DNAH14: variants seen among roughly 807,000 people sequenced by gnomAD.
DNAH14 encodes axonemal beta dynein heavy chain 14.
DNAH14 carries 478 observed loss-of-function variants against 520.9 expected under a neutral mutation model. That is an observed-to-expected ratio of 0.92 (90% CI 0.85 to 0.99). The LOEUF (loss-of-function observed/expected upper bound fraction) is 0.99. Among genes scored for constraint, DNAH14 ranks in the 50% least tolerant of loss-of-function variants. The pLI is 0.00. For missense variants in DNAH14, 4,831 were observed against 5,234.5 expected (o/e 0.92, Z 2.38); for synonymous variants, 1,581 against 1,757.2 (o/e 0.90, Z 2.51).
At chr1:225,107,497 C>G (rs960096435) in intron 23 of DNAH14, among the ~76,000 whole-genome samples, 1 of 152,140 alleles carries the variant, frequency 6.6e-6, no homozygotes, top group African/African-American at 2.4e-5. Flanking sequence ...TGTCCTCATG[C>G]CGGCTTAGAC....
Position 225,082,619 on chromosome 1 carries a change from CATT to C in DNAH14, c.3210_3212del (p.Ile1071del). Reference sequence around the variant, plus strand: ...CAGAGTTTAAACAAGAGCTGCCTATCATTATAGCTCTGGGAAATCCCTGTCTCA... The same window carrying C: ...CAGAGTTTAAACAAGAGCTGCCTATCATAGCTCTGGGAAATCCCTGTCTCA... On this transcript the variant is annotated inframe_deletion, in exon 20 of 86. Coordinates refer to ENST00000682510, the MANE Select transcript of DNAH14 (RefSeq NM_001367479.1). 3 of 1,551,592 alleles carry C rather than the reference CATT, an allele frequency of 1.9e-6. No homozygotes were observed. Among genetic ancestry groups the C allele is most frequent in the Non-Finnish European group, 2.6e-6 (3 of 1,146,934 alleles).
At chr1:225,100,663 ATC>A in intron 22 of DNAH14, 48 bp from the exon 23 acceptor site, 2 of 1,371,782 alleles carry the variant, frequency 1.5e-6, no homozygotes, top group Non-Finnish European at 1.9e-6. Flanking sequence ...ATAGATTTTA[ATC>A]ATAGTGCCTT....
intron 75 of DNAH14, 119 bp downstream of exon 75, chr1:225,361,010 C>T: frequency 1.1e-6 from 1 of 908,978 alleles, no homozygotes; most frequent in East Asian, 2.6e-5. Context: ...CTGAGCCACT[C>T]AGATGAAACT....
At chr1:225,310,270 C>G (rs1396647549) in intron 60 of DNAH14, among the ~76,000 whole-genome samples, 1 of 151,692 alleles carries the variant, frequency 6.6e-6, no homozygotes, top group African/African-American at 2.4e-5. Flanking sequence ...ACATTAGGGC[C>G]TGGGGCCATA....
intron 73 of DNAH14, among the ~76,000 whole-genome samples, chr1:225,358,207 A>G (rs566263349): frequency 2.0e-5 from 3 of 152,296 alleles, no homozygotes; most frequent in Admixed American, 2.0e-4. Flanking sequence ...TTGCAGAATT[A>G]GGGAGTATAA....
At chr1:225,099,141 A>T (rs1254095622) in intron 22 of DNAH14, among the ~76,000 whole-genome samples, 25 of 152,210 alleles carry the variant, frequency 1.6e-4, no homozygotes, top group Admixed American at 1.6e-3. Flanking sequence ...GCTTAAGAGA[A>T]GGTGAGACTG....
rs1558581824 is a variant in DNAH14 at position 225,380,302 on chromosome 1, CTCTT to C, written c.12864_12867del (p.Ser4289LysfsTer15). On this transcript the variant is annotated frameshift_variant, in exon 80 of 86. Transcript: ENST00000682510. LOFTEE classifies it high-confidence loss of function. ...ATGATGTCAAGCTCCATTTGGGAGT[CTCTT>C]TCTAAAAATCTCAAAGGTGAGCATG... The C allele has an allele frequency of 1.9e-6, 3 of 1,551,368 alleles. No individual in the cohort carries two copies. The highest frequency in any genetic ancestry group is 2.0e-5 in the Admixed American group (1 of 50,942).
chr1:225,136,650 G>A (rs1490079812), intron 27 of DNAH14, among the ~76,000 whole-genome samples: 28 of 152,124 alleles, frequency 1.8e-4, no homozygotes, highest in Non-Finnish European at 3.8e-4. Context: ...TTCTCATGGA[G>A]TATCTTACTG....
chr1:225,087,438 G>A (rs1312379664), intron 21 of DNAH14, among the ~76,000 whole-genome samples: 1 of 152,158 alleles, frequency 6.6e-6, no homozygotes, highest in Non-Finnish European at 1.5e-5. Context: ...GGTTTTGGAG[G>A]GGACATTCAA....
At chr1:225,104,161 C>T (rs895244777) in intron 23 of DNAH14, among the ~76,000 whole-genome samples, 1 of 150,280 alleles carries the variant, frequency 6.7e-6, no homozygotes, top group South Asian at 2.1e-4. Flanking sequence ...TGGTTTTTGT[C>T]GTTCTGTTTA....
chr1:225,388,617 G>T, intron 82 of DNAH14, 126 bp downstream of exon 82: 1 of 540,066 alleles, frequency 1.9e-6, no homozygotes, highest in Non-Finnish European at 3.3e-6. Context: ...GCAAGGGAGG[G>T]ATTCTTATCT....
intron 22 of DNAH14, among the ~76,000 whole-genome samples, chr1:225,100,444 T>C (rs1051287428): frequency 1.3e-5 from 2 of 152,188 alleles, no homozygotes; most frequent in Non-Finnish European, 2.9e-5. Flanking sequence ...CTACTTACCT[T>C]ATGCAGAATT....
chr1:225,010,721 G>A lies in DNAH14; in HGVS notation c.1107+3177G>A, dbSNP rs150951219. Among the ~76,000 whole-genome samples, 19 of 152,088 alleles carry A rather than the reference G, an allele frequency of 1.2e-4. No individual in the cohort carries two copies. In the East Asian group the frequency reaches 3.7e-3, roughly 29 times the overall value. On this transcript the variant is annotated intron_variant, in intron 10 of 85. Coordinates refer to ENST00000682510, the MANE Select transcript of DNAH14 (RefSeq NM_001367479.1). Reference sequence around the variant, plus strand: ...TAGAATTCAGCTGTGATTCCATCTGGTCCTGGACTTTTTTTGGTTGGTAGG... The same window carrying A: ...TAGAATTCAGCTGTGATTCCATCTGATCCTGGACTTTTTTTGGTTGGTAGG...
At chr1:225,179,256 G>A (rs2149279399) in intron 36 of DNAH14, among the ~76,000 whole-genome samples, 1 of 152,164 alleles carries the variant, frequency 6.6e-6, no homozygotes, top group African/African-American at 2.4e-5. Flanking sequence ...CTGCCATTTT[G>A]TTACTTATTT....
Position 225,080,463 on chromosome 1 carries a change from A to C in DNAH14, c.2851A>C (p.Ser951Arg), listed in dbSNP as rs764528083. Residue 951 changes from serine (S) to arginine (R), a missense_variant, in exon 19 of 86, where the codon AGT becomes CGT. Coordinates refer to ENST00000682510, the MANE Select transcript of DNAH14 (RefSeq NM_001367479.1). ...MIQTLSGEAA[S>R]LTNKAKAYSH... The stretch of plus-strand genomic sequence containing the variant: ...CCAGACTCTCTCAGGGGAAGCTGCA[A>C]GTTTAACTAACAAAGCTAAAGCATA... 6.4e-7 allele frequency: 1 copy of C among 1,551,796 alleles called. No homozygotes were observed. Among genetic ancestry groups the C allele is most frequent in the South Asian group, 1.2e-5 (1 of 84,066 alleles).
At chr1:225,171,439 T>A (rs2082649964) in intron 36 of DNAH14, among the ~76,000 whole-genome samples, 1 of 151,912 alleles carries the variant, frequency 6.6e-6, no homozygotes, top group African/African-American at 2.4e-5. Flanking sequence ...AAAGGGGATA[T>A]CACCACCGAT....
chr1:225,239,698 A>G (rs2091851254), intron 42 of DNAH14, among the ~76,000 whole-genome samples: 1 of 152,128 alleles, frequency 6.6e-6, no homozygotes, highest in South Asian at 2.1e-4. Flanking sequence ...TCTGTAAAAA[A>G]GGGATCATAT....
chr1:225,204,324 C>G, intron 39 of DNAH14, 51 bp downstream of exon 39: 1 of 1,035,850 alleles, frequency 9.7e-7, no homozygotes, highest in Non-Finnish European at 1.4e-6. Flanking sequence ...GACAAACTCT[C>G]AACCAATATG....
rs1376260667 is a variant in DNAH14 at position 225,264,246 on chromosome 1, G to A, written c.7207G>A (p.Ala2403Thr). Residue 2403 changes from alanine to threonine, a missense_variant, in exon 47 of 86, where the codon GCA (alanine) becomes ACA (threonine). By Grantham distance (58) the Ala-to-Thr change is moderately conservative. Transcript: ENST00000682510. ...TILIPETHKT[A>T]TGSSDNPTKK... ...CTTGATTCCTGAAACTCATAAGACA[G>A]CAACTGGAAGTTCAGGTATATATTA... 1 of 1,549,690 alleles carries A rather than the reference G, an allele frequency of 6.5e-7. No homozygotes were observed.
Sources: allele counts gnomAD v4.1 joint callset (sites outside exome capture counted in the v4.1 genomes callset), GRCh38; gene constraint gnomAD v4.1.1; transcripts MANE v1.5; gene names NCBI Gene and HGNC (gene_info 2026-07-23, HGNC 2026-07-21).